CRYBG3: variants seen among roughly 807,000 people sequenced by gnomAD.
CRYBG3 encodes very large A-kinase anchor protein.
In CRYBG3, 127 loss-of-function variants were observed where a neutral mutation model predicts 244.2. That is an observed-to-expected ratio of 0.52 (90% CI 0.45 to 0.60). CRYBG3 has a LOEUF of 0.60. CRYBG3 is among the 20% of genes least tolerant of loss of function. The pLI is 0.00. For missense variants in CRYBG3, 3,325 were observed against 3,442.5 expected (o/e 0.97, Z 0.85); for synonymous variants, 1,132 against 1,195.8 (o/e 0.95, Z 1.10).
In CRYBG3 at chr3:97,872,023, G is replaced by A; in HGVS notation, c.829G>A (p.Ala277Thr). ...RHIDPGSEIE[A>T]GVLPLLLSAS... The stretch of plus-strand genomic sequence containing the variant: ...CATTGACCCTGGAAGTGAGATTGAG[G>A]CTGGGGTACTGCCACTGTTGTTATC... Residue 277 changes from alanine (A) to threonine (T), a missense_variant, in exon 4 of 22, where the codon GCT (alanine) becomes ACT (threonine). Ala to Thr is a moderately conservative substitution (Grantham distance 58). Around this residue, in one of 4 missense-constraint regions of CRYBG3, gnomAD observed 1,526 missense variants for 1,443.2 expected, o/e 1.06. Coordinates refer to ENST00000389622, the MANE Select transcript of CRYBG3 (RefSeq NM_153605.4). 1.3e-6 allele frequency: 2 copies of A among 1,535,780 alleles called. No homozygotes were observed. Among genetic ancestry groups the A allele is most frequent in the Non-Finnish European group, 1.7e-6 (2 of 1,146,724 alleles).
At chr3:97,843,345 TACATTTCA>T in intron 2 of CRYBG3, 84 bp downstream of exon 2, 1 of 781,590 alleles carries the variant, frequency 1.3e-6, no homozygotes, top group Non-Finnish European at 2.0e-6. Context: ...CATCTTATTT[TACATTTCA>T]AAAAGAACAC....
At chr3:97,910,122 C>T (rs6782463) in intron 15 of CRYBG3, among the ~76,000 whole-genome samples, 68,344 of 150,152 alleles carry the variant, frequency 0.46, 16,488 homozygotes, top group East Asian at 0.66. Flanking sequence ...TCTCCAGCTG[C>T]GTGCTGAGAG....
chr3:97,936,789 A>C lies in CRYBG3; in HGVS notation c.8386A>C (p.Ile2796Leu). ...TTTTCTTTCTTGTTCTCATAGATGGATAGCTTATGAAGGATCCAATTTCTT... is the reference window on the plus strand; with the variant it reads ...TTTTCTTTCTTGTTCTCATAGATGGCTAGCTTATGAAGGATCCAATTTCTT... The part of the protein sequence containing the change: ...QSVWVKSGLW[I>L]AYEGSNFLGR... Residue 2796 changes from isoleucine (I) to leucine (L), a missense_variant, in exon 19 of 22, where the codon ATA becomes CTA. Ile to Leu is a conservative substitution (Grantham distance 5). Transcript: ENST00000389622. The C allele has an allele frequency of 1.2e-6, 2 of 1,611,838 alleles. No homozygotes were observed. The highest frequency in any genetic ancestry group is 1.7e-6 in the Non-Finnish European group (2 of 1,179,008).
In CRYBG3 at chr3:97,877,463, A is replaced by G; in HGVS notation, c.6269A>G (p.Glu2090Gly). The change falls in exon 4 of 22, where the codon GAG becomes GGG. Residue 2090 changes from glutamate to glycine, a missense_variant. By Grantham distance (98) the Glu-to-Gly change is moderately conservative. Transcript: ENST00000389622. The stretch of plus-strand genomic sequence containing the variant: ...CCTTTAGCATTGTCTCCCATTTATG[A>G]GGATGACAGCTCACAGGAGGACATT... ...IYPLALSPIY[E>G]DDSSQEDILS... 6.2e-7 allele frequency: 1 copy of G among 1,614,206 alleles called. No homozygotes were observed. Among genetic ancestry groups the G allele is most frequent in the Non-Finnish European group, 8.5e-7 (1 of 1,180,016 alleles).
intron 2 of CRYBG3, among the ~76,000 whole-genome samples, chr3:97,859,808 T>A (rs2039120073): frequency 6.6e-6 from 1 of 152,180 alleles, no homozygotes; most frequent in Non-Finnish European, 1.5e-5. Context: ...TTAGCCACTC[T>A]CCTTGCCACT....
chr3:97,919,313 G>C (rs975426017), intron 17 of CRYBG3, among the ~76,000 whole-genome samples: 1 of 152,078 alleles, frequency 6.6e-6, no homozygotes, highest in Non-Finnish European at 1.5e-5. Context: ...ATTTAATATA[G>C]GGAAATTTAA....
At chr3:97,869,290 A>T (rs2039273360) in intron 3 of CRYBG3, among the ~76,000 whole-genome samples, 1 of 152,100 alleles carries the variant, frequency 6.6e-6, no homozygotes, top group South Asian at 2.1e-4. Flanking sequence ...TAATCTTATT[A>T]TCATATAGCT....
chr3:97,913,287 AT>A (rs2039893071), intron 16 of CRYBG3, among the ~76,000 whole-genome samples: 1 of 151,922 alleles, frequency 6.6e-6, no homozygotes, highest in South Asian at 2.1e-4. Flanking sequence ...TTCCCTATCC[AT>A]TTCCCATCCT....
At chr3:97,859,582 A>G (rs745781598) in intron 2 of CRYBG3, among the ~76,000 whole-genome samples, 9 of 152,210 alleles carry the variant, frequency 5.9e-5, no homozygotes, top group Non-Finnish European at 1.0e-4. Flanking sequence ...TAAAGTTTAC[A>G]TTGAACCTAA....
chr3:97,866,844 C>T (rs982838448), intron 3 of CRYBG3, among the ~76,000 whole-genome samples: 10 of 152,124 alleles, frequency 6.6e-5, no homozygotes, highest in Non-Finnish European at 1.3e-4. Flanking sequence ...TCTCCAAAGT[C>T]TCCTCAACAA....
chr3:97,846,522 C>G (rs1450651291), intron 2 of CRYBG3, among the ~76,000 whole-genome samples: 1 of 152,142 alleles, frequency 6.6e-6, no homozygotes. Flanking sequence ...GCCTTAATAT[C>G]TTCGGAGATG....
intron 1 of CRYBG3, among the ~76,000 whole-genome samples, chr3:97,827,027 A>T (rs893964901): frequency 1.3e-5 from 2 of 152,226 alleles, no homozygotes; most frequent in Admixed American, 6.5e-5. Context: ...AGTGGGGGAA[A>T]CATGATAGTA....
At chr3:97,867,989 T>C (rs1360297913) in intron 3 of CRYBG3, among the ~76,000 whole-genome samples, 1 of 152,234 alleles carries the variant, frequency 6.6e-6, no homozygotes, top group Non-Finnish European at 1.5e-5. Context: ...GTTCTTAAGA[T>C]TATTTAATTT....
rs746446478 is a variant in CRYBG3 at position 97,872,583 on chromosome 3, G to T, written c.1389G>T (p.Arg463Ser). The change falls in exon 4 of 22, where the codon AGG becomes AGT. Residue 463 changes from arginine (R) to serine (S), a missense_variant. Transcript: ENST00000389622. ...TNLPSPNKSI[R>S]HEHLQLPESE... is the part of the protein sequence containing the mutation. Reference sequence around the variant, plus strand: ...TGCCAAGTCCAAATAAATCAATTAGGCATGAACATCTGCAGTTGCCAGAGA... The same window carrying T: ...TGCCAAGTCCAAATAAATCAATTAGTCATGAACATCTGCAGTTGCCAGAGA... 2.2e-5 allele frequency: 34 copies of T among 1,535,918 alleles called. No individual in the cohort carries two copies. In the Middle Eastern group the frequency reaches 6.7e-4, roughly 30 times the overall value.
At position 97,875,274 on chromosome 3, in the gene CRYBG3, T is replaced by G; in HGVS notation, c.4080T>G (p.Val1360=). The G allele has an allele frequency of 2.7e-6, 4 of 1,469,134 alleles. No homozygotes were observed. Among genetic ancestry groups the G allele is most frequent in the Non-Finnish European group, 3.6e-6 (4 of 1,118,884 alleles). 91.0% of individuals were successfully genotyped at this position (1,469,134 alleles called of 1,614,324 possible). Residue 1360 remains valine, a synonymous_variant, in exon 4 of 22, where the codon GTT becomes GTG. Transcript: ENST00000389622. The part of the protein sequence containing the change: ...KPHDVVREFL[V]SEQPVNQSTQ... ...ATGATGTAGTTAGAGAGTTCTTGGT[T>G]TCAGAACAGCCAGTAAATCAAAGCA...
At position 97,886,665 on chromosome 3, in the gene CRYBG3, A is replaced by G. The variant is rs2039510422; in HGVS notation, c.7187A>G (p.Gln2396Arg). The G allele has an allele frequency of 4.4e-6, 7 of 1,607,618 alleles. No homozygotes were observed. Among genetic ancestry groups the G allele is most frequent in the Non-Finnish European group, 5.1e-6 (6 of 1,178,346 alleles). ...CSIPEIELFPQSDPACCPVYI... is the reference protein window; with the variant it reads ...CSIPEIELFPRSDPACCPVYI... ...ATTCCAGAAATAGAGCTTTTCCCAC[A>G]ATCTGACCCAGCCTGTTGTCCTGTC... The change falls in exon 8 of 22, where the codon CAA becomes CGA. Residue 2396 changes from glutamine to arginine, a missense_variant. This residue lies in a region of CRYBG3 where 714 missense variants were observed against 803.6 expected (regional missense o/e 0.89). Transcript: ENST00000389622.
In CRYBG3 at chr3:97,883,641, A is replaced by AT. The variant is rs887009562; in HGVS notation, c.7152+2432dup. The stretch of plus-strand genomic sequence containing the variant: ...TCTTCTAGTGTTTGTTCTCGGAATC[A>AT]TTTTTTTTTTAGTTGCAGTGTTAGT... On this transcript the variant is annotated intron_variant, in intron 7 of 21. Transcript: ENST00000389622. Among the ~76,000 whole-genome samples the AT allele has an allele frequency of 9.1e-4, 137 of 149,732 alleles. 2 individuals are homozygous for AT. The East Asian group carries it at 0.022, about 24-fold the overall frequency.
intron 1 of CRYBG3, among the ~76,000 whole-genome samples, chr3:97,828,803 G>T (rs536257408): frequency 4.7e-4 from 69 of 146,888 alleles, no homozygotes; most frequent in Non-Finnish European, 8.9e-4. Context: ...GCTCCAGCCT[G>T]GGCAATAAGA....
intron 2 of CRYBG3, among the ~76,000 whole-genome samples, chr3:97,861,965 C>T (rs534872519): frequency 4.0e-5 from 6 of 151,898 alleles, no homozygotes; most frequent in African/African-American, 1.2e-4. Flanking sequence ...ACGCATTTCT[C>T]GTAAGATTAT....
Sources: allele counts gnomAD v4.1 joint callset (sites outside exome capture counted in the v4.1 genomes callset), GRCh38; gene constraint gnomAD v4.1.1; regional missense constraint gnomAD v4.1.1; transcripts MANE v1.5; gene names NCBI Gene and HGNC (gene_info 2026-07-23, HGNC 2026-07-21).